Variants in CDYL observed in about 807,000 individuals in gnomAD.
CDYL encodes the protein chromodomain Y like.
In CDYL, 8 loss-of-function variants were observed where a neutral mutation model predicts 47.3. That is an observed-to-expected ratio of 0.17 (90% confidence interval 0.10 to 0.31). CDYL has a LOEUF of 0.31. Among genes scored for constraint, CDYL ranks in the 10% least tolerant of loss-of-function variants. CDYL has a pLI of 1.00. For synonymous variants in CDYL, 266 were observed against 265.0 expected (o/e 1.00, Z -0.04); for missense variants, 471 against 701.4 (o/e 0.67, Z 3.71).
intron 3 of CDYL, among the ~76,000 whole-genome samples, chr6:4,771,028 T>A (rs1758330351): frequency 6.6e-6 from 1 of 152,210 alleles, no homozygotes; most frequent in Non-Finnish European, 1.5e-5. Flanking sequence ...AAAATTTTAC[T>A]ACACAATGGT....
intron 4 of CDYL, among the ~76,000 whole-genome samples, chr6:4,940,017 C>T (rs758877231): frequency 6.6e-6 from 1 of 152,178 alleles, no homozygotes; most frequent in Non-Finnish European, 1.5e-5. Flanking sequence ...CTCCCTCCAG[C>T]GTTGAATTCC....
intron 5 of CDYL, 76 bp downstream of exon 5, chr6:4,943,832 T>C (rs1041056917): frequency 8.6e-7 from 1 of 1,159,646 alleles, no homozygotes; most frequent in Non-Finnish European, 1.2e-6. Flanking sequence ...TGGTTATTGT[T>C]TTTCTAAAGC....
Position 4,954,138 on chromosome 6 carries a change from A to C in CDYL, c.*82A>C. The C allele has an allele frequency of 1.1e-4, 154 of 1,423,178 alleles. No homozygotes were observed. The highest frequency in any genetic ancestry group is 1.4e-4 in the Non-Finnish European group (144 of 1,048,742). 88.2% of individuals were successfully genotyped at this position (1,423,178 alleles called of 1,614,324 possible). ...GCTCCAGTTCCCCTGATCCATTCTC[A>C]CAGCCTGAAACAAGCTCACCCGTAG... On this transcript the variant is annotated 3_prime_UTR_variant, in exon 7 of 7. Transcript: ENST00000397588.
chr6:4,809,373 T>G (rs1759461036), intron 1 of CDYL, among the ~76,000 whole-genome samples: 1 of 152,216 alleles, frequency 6.6e-6, no homozygotes, highest in African/African-American at 2.4e-5. Context: ...GTGTTTGTAA[T>G]TATAAACGGT....
At chr6:4,894,963 GTATGTGTA>G (rs1269801254) in intron 2 of CDYL, among the ~76,000 whole-genome samples, 1 of 149,332 alleles carries the variant, frequency 6.7e-6, no homozygotes, top group African/African-American at 2.5e-5. Flanking sequence ...GTATATATAC[GTATGTGTA>G]TATGTGTATG....
In CDYL at chr6:4,938,197, C is replaced by T. The variant is rs75609703; in HGVS notation, c.1121+460C>T. On this transcript the variant is annotated intron_variant, in intron 4 of 6. Coordinates refer to ENST00000397588, the MANE Select transcript of CDYL (RefSeq NM_004824.4). The stretch of plus-strand genomic sequence containing the variant: ...TTTATGATGAGATAGCTCCGTAACA[C>T]CACATGGAGAGTTTTGTTTTTTGGT... Among the ~76,000 whole-genome samples the T allele has an allele frequency of 6.1e-4, 92 of 151,850 alleles. 2 individuals carry two copies. The East Asian group carries it at 0.016, about 27-fold the overall frequency.
At chr6:4,781,111 A>G (rs1341250464) in intron 1 of CDYL, among the ~76,000 whole-genome samples, 1 of 152,188 alleles carries the variant, frequency 6.6e-6, no homozygotes, top group Non-Finnish European at 1.5e-5. Context: ...TCAAAAATGG[A>G]AGTAAGCTTT....
intron 1 of CDYL, among the ~76,000 whole-genome samples, chr6:4,849,575 T>G (rs1189514958): frequency 6.6e-6 from 1 of 152,136 alleles, no homozygotes; most frequent in African/African-American, 2.4e-5. Context: ...GCTCTTACTT[T>G]CTTTCTCCAC....
intron 1 of CDYL, among the ~76,000 whole-genome samples, chr6:4,851,044 C>T (rs1391809592): frequency 6.6e-6 from 1 of 152,162 alleles, no homozygotes; most frequent in Non-Finnish European, 1.5e-5. Flanking sequence ...GTGATTTAAT[C>T]ATACTGCCCT....
At chr6:4,889,942 G>A (rs546538891) in intron 1 of CDYL, 5 of 984,758 alleles carry the variant, frequency 5.1e-6, no homozygotes, top group Non-Finnish European at 4.8e-6. Flanking sequence ...CTGGGGCCTG[G>A]CAGCAGCAGG....
In CDYL at chr6:4,802,093, C is replaced by T. The variant is rs533396723; in HGVS notation, c.24+25286C>T. Reference sequence around the variant, plus strand: ...GGTGAGGAACTGGCTTTTGTTTGCCCCCATGTTTTGCAGCAATAGCTGTGG... The same window carrying T: ...GGTGAGGAACTGGCTTTTGTTTGCCTCCATGTTTTGCAGCAATAGCTGTGG... On this transcript the variant is annotated intron_variant, in intron 1 of 6. Coordinates refer to ENST00000397588, the MANE Select transcript of CDYL (RefSeq NM_004824.4). Among the ~76,000 whole-genome samples the T allele has an allele frequency of 1.2e-3, 184 of 152,228 alleles. 1 individual carries two copies. Among genetic ancestry groups the T allele is most frequent in the African/African-American group, 4.3e-3 (177 of 41,552 alleles).
chr6:4,891,348 A>T lies in CDYL; in HGVS notation c.25-365A>T, dbSNP rs138788604. 1.6e-4 allele frequency among the ~76,000 whole-genome samples: 24 copies of T among 152,194 alleles called. No individual in the cohort carries two copies. The East Asian group carries it at 4.7e-3, about 30-fold the overall frequency. The stretch of plus-strand genomic sequence containing the variant: ...CTGTTGCCTGGGTGCCCGCTGCTGG[A>T]ACCCTGGGATGACCAGGCACAGCTG... On this transcript the variant is annotated intron_variant, in intron 1 of 6. Transcript: ENST00000397588.
chr6:4,945,829 G>A (rs533950326), intron 5 of CDYL, among the ~76,000 whole-genome samples: 17 of 152,366 alleles, frequency 1.1e-4, no homozygotes, highest in African/African-American at 4.1e-4. Flanking sequence ...CCCCTGACAT[G>A]GTCTTTGCTG....
At chr6:4,819,154 C>CTG (rs1481715959) in intron 1 of CDYL, among the ~76,000 whole-genome samples, 9 of 137,612 alleles carry the variant, frequency 6.5e-5, no homozygotes, top group African/African-American at 2.9e-4. Flanking sequence ...CTCTCTCTCT[C>CTG]TCTCTCTCTG....
At chr6:4,935,377 AG>A (rs1561717722) in intron 2 of CDYL, 137 bp from the exon 3 acceptor site, 1 of 760,350 alleles carries the variant, frequency 1.3e-6, no homozygotes, top group Non-Finnish European at 2.1e-6. Flanking sequence ...GGCTTTCTAA[AG>A]GTTCTAAGTT....
At chr6:4,762,983 A>G (rs990482204) in intron 3 of CDYL, among the ~76,000 whole-genome samples, 1 of 152,300 alleles carries the variant, frequency 6.6e-6, no homozygotes, top group Middle Eastern at 3.4e-3. Context: ...ACCTAAACAC[A>G]TCATAGTAAA....
chr6:4,747,722 C>T lies in CDYL; in HGVS notation c.186+12878C>T, dbSNP rs139770415. On this transcript the variant is annotated intron_variant, in intron 3 of 8. Transcript: ENST00000328908. ...GAACTAGAACTGTTTCTCACCAGTG[C>T]AAGGCCCTTGAGTCAGAAACACCTG... 1.3e-5 allele frequency among the ~76,000 whole-genome samples: 2 copies of T among 152,298 alleles called. 1 individual carries two copies. Among genetic ancestry groups the T allele is most frequent in the East Asian group, 3.9e-4 (2 of 5,182 alleles).
intron 1 of CDYL, among the ~76,000 whole-genome samples, chr6:4,851,309 C>T (rs1451997004): frequency 6.6e-6 from 1 of 152,166 alleles, no homozygotes; most frequent in African/African-American, 2.4e-5. Flanking sequence ...TAGTGCCTGG[C>T]ATGTAGATAT....
chr6:4,950,250 G>A (rs148243762), intron 5 of CDYL, among the ~76,000 whole-genome samples: 22 of 152,286 alleles, frequency 1.4e-4, no homozygotes, highest in African/African-American at 5.3e-4. Flanking sequence ...GGAAGCCTGC[G>A]GACACCTGCC....
Sources: allele counts gnomAD v4.1 joint callset (sites outside exome capture counted in the v4.1 genomes callset), GRCh38; gene constraint gnomAD v4.1.1; transcripts MANE v1.5; gene names NCBI Gene and HGNC (gene_info 2026-07-23, HGNC 2026-07-21).